RBFOX1: variants seen among roughly 807,000 people sequenced by gnomAD.
RBFOX1 encodes the protein RNA binding protein fox-1 homolog 1.
Under a neutral mutation model 57.7 loss-of-function variants are expected in RBFOX1, and 8 were observed. That is an observed-to-expected ratio of 0.14 (90% CI 0.08 to 0.25). The LOEUF (loss-of-function observed/expected upper bound fraction) is 0.25. RBFOX1 is among the 10% of genes least tolerant of loss of function. The probability of loss-of-function intolerance (pLI) is 1.00; values close to 1 mark genes in which losing one functional copy is unlikely to be tolerated. For missense variants in RBFOX1, 611 were observed against 548.5 expected (o/e 1.11, Z -1.14); for synonymous variants, 326 against 222.4 (o/e 1.47, Z -4.15).
At chr16:7,369,751 G>C (rs970709585) in intron 4 of RBFOX1, among the ~76,000 whole-genome samples, 6 of 152,138 alleles carry the variant, frequency 3.9e-5, no homozygotes, top group African/African-American at 1.4e-4. Flanking sequence ...TTGTGCTTCT[G>C]TTTTGTAATG....
At chr16:7,022,389 G>C (rs892923875) in intron 3 of RBFOX1, among the ~76,000 whole-genome samples, 2 of 151,736 alleles carry the variant, frequency 1.3e-5, no homozygotes, top group Non-Finnish European at 2.9e-5. Flanking sequence ...GGTAGAGCTG[G>C]GATTCGAAGT....
At chr16:6,603,740 GACATC>G (rs2154013001) in intron 2 of RBFOX1, among the ~76,000 whole-genome samples, 1 of 152,262 alleles carries the variant, frequency 6.6e-6, no homozygotes, top group East Asian at 1.9e-4. Context: ...GTGATTGCTG[GACATC>G]AGGATGGCCT....
At chr16:7,159,765 C>T (rs912299065) in intron 4 of RBFOX1, among the ~76,000 whole-genome samples, 7 of 152,172 alleles carry the variant, frequency 4.6e-5, no homozygotes, top group Admixed American at 4.6e-4. Context: ...TTCCTCCCTC[C>T]CATCAAATAA....
intron 3 of RBFOX1, among the ~76,000 whole-genome samples, chr16:5,792,916 C>A (rs991598449): frequency 2.0e-5 from 3 of 152,094 alleles, no homozygotes; most frequent in Non-Finnish European, 4.4e-5. Flanking sequence ...TAAAGGTCTT[C>A]ATTCTCATAT....
chr16:6,927,782 G>A (rs7342800), intron 3 of RBFOX1, among the ~76,000 whole-genome samples: 13 of 152,218 alleles, frequency 8.5e-5, no homozygotes, highest in African/African-American at 3.1e-4. Context: ...TTTTTGTTCT[G>A]TTGAATTAAG....
At chr16:7,202,852 C>T (rs1279902932) in intron 4 of RBFOX1, among the ~76,000 whole-genome samples, 3 of 152,166 alleles carry the variant, frequency 2.0e-5, no homozygotes, top group Admixed American at 2.0e-4. Flanking sequence ...GTCCCTGGTG[C>T]CAAAAAGGTT....
rs552402631 is a variant in RBFOX1 at position 5,491,721 on chromosome 16, C to T, written c.258+24467C>T. The stretch of plus-strand genomic sequence containing the variant: ...TTGGATACCCCAGAATGTTCTCAGA[C>T]TGCTTCTGTGGGCCAAGCCAGTGCT... On this transcript the variant is annotated intron_variant, in intron 2 of 2. Coordinates refer to the RBFOX1 transcript ENST00000585867. Among the ~76,000 whole-genome samples, 12 of 152,362 alleles carry T rather than the reference C, an allele frequency of 7.9e-5. No homozygotes were observed. The East Asian group carries it at 2.3e-3, about 29-fold the overall frequency.
At chr16:5,300,969 A>G (rs768728002) in intron 1 of RBFOX1, among the ~76,000 whole-genome samples, 31 of 151,724 alleles carry the variant, frequency 2.0e-4, no homozygotes, top group Admixed American at 7.9e-4. Context: ...CATTCTTTCT[A>G]GGTTTATTTT....
intron 5 of RBFOX1, among the ~76,000 whole-genome samples, chr16:7,544,027 G>A (rs2083731337): frequency 6.6e-6 from 1 of 152,142 alleles, no homozygotes; most frequent in Admixed American, 6.6e-5. Context: ...CCATGTCTGT[G>A]TATTCTAAGG....
At chr16:6,970,447 G>T (rs1366946128) in intron 3 of RBFOX1, among the ~76,000 whole-genome samples, 3 of 152,076 alleles carry the variant, frequency 2.0e-5, no homozygotes, top group African/African-American at 7.2e-5. Context: ...CCTTAGCCTG[G>T]GTAATGTATC....
At chr16:5,636,138 A>G (rs928364974) in intron 3 of RBFOX1, among the ~76,000 whole-genome samples, 14 of 152,178 alleles carry the variant, frequency 9.2e-5, no homozygotes, top group African/African-American at 3.4e-4. Context: ...ACCTGAGGTC[A>G]GGAGTTCGAG....
intron 3 of RBFOX1, among the ~76,000 whole-genome samples, chr16:6,891,298 T>G (rs1239980233): frequency 1.3e-5 from 2 of 152,218 alleles, no homozygotes; most frequent in East Asian, 3.9e-4. Flanking sequence ...AAGGTGGCAG[T>G]ATTATCTCTA....
chr16:5,415,687 T>C (rs2067142218), intron 1 of RBFOX1, among the ~76,000 whole-genome samples: 1 of 152,228 alleles, frequency 6.6e-6, no homozygotes. Context: ...CTATTCACAG[T>C]AGTGATAAAA....
In RBFOX1 at chr16:7,163,450, G is replaced by C. The variant is rs146137863; in HGVS notation, c.27+111352G>C. On this transcript the variant is annotated intron_variant, in intron 4 of 15. Transcript: ENST00000550418. ...TCTGGTGACGTTTTGCTTTGCAAGT[G>C]GGTGACTGACATCCTTCACCCTCTG... Among the ~76,000 whole-genome samples the C allele has an allele frequency of 3.9e-3, 589 of 152,108 alleles. 6 individuals carry two copies. Among genetic ancestry groups the C allele is most frequent in the Non-Finnish European group, 6.6e-3 (450 of 67,974 alleles).
At chr16:7,449,134 G>T (rs112929793) in intron 4 of RBFOX1, among the ~76,000 whole-genome samples, 3 of 151,872 alleles carry the variant, frequency 2.0e-5, no homozygotes, top group African/African-American at 7.3e-5. Context: ...TCTCCATGTT[G>T]GTCAGGCTGG....
At chr16:6,403,875 G>C (rs976795481) in intron 2 of RBFOX1, among the ~76,000 whole-genome samples, 2 of 152,084 alleles carry the variant, frequency 1.3e-5, no homozygotes, top group Non-Finnish European at 2.9e-5. Flanking sequence ...AGATTATAAG[G>C]GTGGGGTCCT....
chr16:7,408,557 T>C (rs1461776704), intron 4 of RBFOX1, among the ~76,000 whole-genome samples: 2 of 152,340 alleles, frequency 1.3e-5, no homozygotes, highest in East Asian at 3.9e-4. Flanking sequence ...GTCCTGAGTA[T>C]TGCGATTGCT....
chr16:6,104,757 T>C (rs1421798772), intron 1 of RBFOX1, among the ~76,000 whole-genome samples: 1 of 152,102 alleles, frequency 6.6e-6, no homozygotes, highest in Non-Finnish European at 1.5e-5. Context: ...AAAAACAGAA[T>C]ACAAATAGAA....
intron 1 of RBFOX1, among the ~76,000 whole-genome samples, chr16:5,458,934 C>G (rs938749783): frequency 2.0e-5 from 3 of 152,170 alleles, no homozygotes; most frequent in Non-Finnish European, 4.4e-5. Flanking sequence ...GCCAAGAGCA[C>G]CTGGCTTCAA....
Sources: allele counts gnomAD v4.1 joint callset (sites outside exome capture counted in the v4.1 genomes callset), GRCh38; gene constraint gnomAD v4.1.1; transcripts MANE v1.5; gene names NCBI Gene and HGNC (gene_info 2026-07-23, HGNC 2026-07-21).